SDK1: variants seen among roughly 807,000 people sequenced by gnomAD.
The protein encoded by SDK1 is sidekick cell adhesion molecule 1, also known as protein sidekick-1.
SDK1 carries 157 observed loss-of-function variants against 245.5 expected under a neutral mutation model. The ratio of observed to expected loss-of-function variants is 0.64; its 90% confidence interval spans 0.56 to 0.73. SDK1 has a LOEUF of 0.73. Ranked by LOEUF, SDK1 falls within the 30% of genes least tolerant of loss-of-function variation. The pLI is 0.00. For synonymous variants in SDK1, 1,647 were observed against 1,278.5 expected (o/e 1.29, Z -6.15); for missense variants, 3,583 against 3,002.3 (o/e 1.19, Z -4.52).
At chr7:3,637,903 G>A (rs1449781888) in intron 2 of SDK1, among the ~76,000 whole-genome samples, 2 of 152,244 alleles carry the variant, frequency 1.3e-5, no homozygotes, top group Non-Finnish European at 1.5e-5. Context: ...CTGCCTTGAC[G>A]AGTTCTGTAT....
chr7:3,475,103 C>A (rs1257314780), intron 1 of SDK1, among the ~76,000 whole-genome samples: 1 of 152,170 alleles, frequency 6.6e-6, no homozygotes, highest in South Asian at 2.1e-4. Context: ...ATCATGATAT[C>A]CTCTTGCTTA....
intron 4 of SDK1, among the ~76,000 whole-genome samples, chr7:3,806,135 C>T (rs760616323): frequency 3.9e-5 from 6 of 152,240 alleles, no homozygotes; most frequent in Non-Finnish European, 8.8e-5. Flanking sequence ...TCTCCTCTGC[C>T]AGTGACTCTT....
Position 4,157,386 on chromosome 7 carries a change from AATGAG to A in SDK1, c.4626-1061_4626-1057del, listed in dbSNP as rs1194655869. On this transcript the variant is annotated intron_variant, in intron 30 of 44. Transcript: ENST00000404826. ...GAAGGGAGGAAGAAGGGAGAGAAGG[AATGAG>A]GGGAGGGAGGGAGGAATGAAGAAAA... is the stretch of plus-strand genomic sequence containing the variant. Among the ~76,000 whole-genome samples the A allele has an allele frequency of 7.3e-5, 6 of 82,322 alleles. 1 individual carries two copies. The highest frequency in any genetic ancestry group is 2.2e-4 in the Admixed American group (2 of 8,982). 54.0% of individuals were successfully genotyped at this position (82,322 alleles called of 152,430 possible).
chr7:4,047,321 C>A (rs1438827471), intron 17 of SDK1, among the ~76,000 whole-genome samples: 1 of 152,174 alleles, frequency 6.6e-6, no homozygotes, highest in Non-Finnish European at 1.5e-5. Flanking sequence ...CTTGAGCCAG[C>A]CTTCCATGTA....
intron 1 of SDK1, among the ~76,000 whole-genome samples, chr7:3,497,870 C>T (rs184938466): frequency 6.6e-6 from 1 of 152,218 alleles, no homozygotes; most frequent in East Asian, 1.9e-4. Flanking sequence ...CATCTTAATC[C>T]CTGATGGACT....
chr7:4,105,217 C>A (rs192539219), intron 22 of SDK1, among the ~76,000 whole-genome samples: 16 of 151,476 alleles, frequency 1.1e-4, no homozygotes, highest in Non-Finnish European at 1.2e-4. Context: ...TCCTGACCTC[C>A]GGTGATCCAC....
intron 25 of SDK1, among the ~76,000 whole-genome samples, chr7:4,116,516 C>T (rs930810560): frequency 5.9e-5 from 9 of 152,192 alleles, no homozygotes; most frequent in African/African-American, 1.7e-4. Flanking sequence ...CCCCGGGTCC[C>T]GTTGGTGACA....
intron 1 of SDK1, among the ~76,000 whole-genome samples, chr7:3,460,612 T>A (rs558074101): frequency 6.6e-6 from 1 of 152,352 alleles, no homozygotes; most frequent in East Asian, 1.9e-4. Context: ...AATCTTGCCA[T>A]TTCTTTTCTT....
intron 14 of SDK1, among the ~76,000 whole-genome samples, chr7:3,988,840 C>T (rs987945546): frequency 6.6e-6 from 1 of 152,122 alleles, no homozygotes; most frequent in African/African-American, 2.4e-5. Flanking sequence ...GGCATGATCT[C>T]GGCTCACTAC....
At chr7:4,135,063 C>T (rs1778973868) in intron 28 of SDK1, among the ~76,000 whole-genome samples, 1 of 152,226 alleles carries the variant, frequency 6.6e-6, no homozygotes, top group Non-Finnish European at 1.5e-5. Flanking sequence ...TTCTCCTCAG[C>T]ACGCCCGCCG....
intron 1 of SDK1, among the ~76,000 whole-genome samples, chr7:3,510,894 T>G (rs933766017): frequency 3.3e-5 from 5 of 152,202 alleles, no homozygotes; most frequent in Non-Finnish European, 5.9e-5. Flanking sequence ...AGCCGCCATT[T>G]CAAAATATGT....
At chr7:3,954,756 T>C (rs1781125079) in intron 7 of SDK1, among the ~76,000 whole-genome samples, 1 of 150,256 alleles carries the variant, frequency 6.7e-6, no homozygotes. Flanking sequence ...TGGATGTAGA[T>C]GGTACCAGCT....
At chr7:4,014,926 T>A (rs12333872) in intron 16 of SDK1, among the ~76,000 whole-genome samples, 3 of 152,174 alleles carry the variant, frequency 2.0e-5, no homozygotes, top group South Asian at 4.1e-4. Context: ...GCAGGCTCTT[T>A]GGAAGATGTA....
chr7:3,477,189 CTTTT>C (rs35328849), intron 1 of SDK1, among the ~76,000 whole-genome samples: 3 of 78,626 alleles, frequency 3.8e-5, no homozygotes, highest in African/African-American at 1.0e-4. Context: ...TGGTTTTCTC[CTTTT>C]TTTTTTTTTT....
chr7:4,190,339 GT>G (rs574257083), intron 35 of SDK1, among the ~76,000 whole-genome samples: 42 of 152,058 alleles, frequency 2.8e-4, no homozygotes, highest in African/African-American at 9.7e-4. Flanking sequence ...TGTCTACACG[GT>G]CCTGGATGAT....
intron 4 of SDK1, among the ~76,000 whole-genome samples, chr7:3,661,858 A>G (rs1225942738): frequency 6.6e-6 from 1 of 152,090 alleles, no homozygotes; most frequent in East Asian, 1.9e-4. Flanking sequence ...AAGCTGGTGT[A>G]GTAATAACAC....
chr7:4,213,498 T>C (rs1379077627), intron 38 of SDK1, among the ~76,000 whole-genome samples: 1 of 151,634 alleles, frequency 6.6e-6, no homozygotes, highest in East Asian at 1.9e-4. Flanking sequence ...GGCAGGAGAA[T>C]GGGTTGAACC....
intron 5 of SDK1, among the ~76,000 whole-genome samples, chr7:3,904,949 C>T (rs1451907920): frequency 1.3e-5 from 2 of 150,412 alleles, no homozygotes; most frequent in South Asian, 2.1e-4. Context: ...GTGGAGATCG[C>T]GCCACTGCAC....
In SDK1 at chr7:3,301,436, C is replaced by G. The variant is rs1183294362; in HGVS notation, c.-151C>G. The G allele has an allele frequency of 6.3e-6, 1 of 159,976 alleles. No homozygotes were observed. The highest frequency in any genetic ancestry group is 1.3e-5 in the Non-Finnish European group (1 of 78,374). The allele number at this position is 159,976 out of a possible 1,614,324, so 9.9% of individuals were successfully genotyped here. A position where few individuals can be genotyped will look rare whatever the true frequency, so the allele number is the denominator to read the frequency against. Reference sequence around the variant, plus strand: ...GCGCCGCGCCCCTCACGCGGGGACCCAGGACGCCGCCCCTCAGCGCTGGGC... The same window carrying G: ...GCGCCGCGCCCCTCACGCGGGGACCGAGGACGCCGCCCCTCAGCGCTGGGC... On this transcript the variant is annotated 5_prime_UTR_variant, in exon 1 of 45. Transcript: ENST00000404826.
Sources: allele counts gnomAD v4.1 joint callset (sites outside exome capture counted in the v4.1 genomes callset), GRCh38; gene constraint gnomAD v4.1.1; transcripts MANE v1.5; gene names NCBI Gene and HGNC (gene_info 2026-07-23, HGNC 2026-07-21).